ZNF618: variants seen among roughly 807,000 people sequenced by gnomAD.
ZNF618 encodes the protein zinc finger protein 618, also known as neural precursor cell expressed, developmentally down-regulated 10.
Under a neutral mutation model 103.0 loss-of-function variants are expected in ZNF618, and 34 were observed. The ratio of observed to expected loss-of-function variants is 0.33; its 90% CI spans 0.25 to 0.44. ZNF618 has a LOEUF of 0.44. Ranked by LOEUF, ZNF618 falls within the 20% of genes least tolerant of loss-of-function variation. The pLI, the probability that ZNF618 is intolerant of heterozygous loss-of-function variation, is 1.00. For synonymous variants in ZNF618, 551 were observed against 542.2 expected, an observed-to-expected ratio of 1.02 and a Z score of -0.23; for missense variants, 1,059 against 1,295.4, an observed-to-expected ratio of 0.82 and a Z score of 2.80.
chr9:113,969,152 T>G lies in ZNF618; in HGVS notation c.69T>G (p.Thr23=), dbSNP rs1196043396. The G allele has an allele frequency of 6.2e-7, 1 of 1,613,862 alleles. No homozygotes were observed. The highest frequency in any genetic ancestry group is 1.3e-5 in the African/African-American group (1 of 74,920). The change falls in exon 2 of 15, where the codon ACT becomes ACG. Residue 23 remains threonine (T), a synonymous_variant. Coordinates refer to ENST00000374126, the MANE Select transcript of ZNF618 (RefSeq NM_001318042.2). ...DGASAAGRKS[T]ASRERLKRSQ... Reference sequence around the variant, plus strand: ...CCAGTGCAGCCGGAAGGAAAAGCACTGCGAGCAGGTACACTCCCTCTCCCG... The same window carrying G: ...CCAGTGCAGCCGGAAGGAAAAGCACGGCGAGCAGGTACACTCCCTCTCCCG...
intron 2 of ZNF618, among the ~76,000 whole-genome samples, chr9:113,969,487 T>C (rs1379058029): frequency 6.6e-6 from 1 of 152,206 alleles, no homozygotes; most frequent in East Asian, 1.9e-4. Flanking sequence ...GGCTAACTCC[T>C]GGGGCAGCCA....
At chr9:113,998,209 C>G (rs1242639613) in intron 3 of ZNF618, 50 bp from the exon 4 acceptor site, 1 of 1,523,698 alleles carries the variant, frequency 6.6e-7, no homozygotes, top group African/African-American at 1.4e-5. Context: ...CCTAACCTTC[C>G]AGGCATTCTC....
rs373560286 is a variant in ZNF618 at position 113,975,165 on chromosome 9, C to T, written c.77+6005C>T. ...GGAGGGAGGGATGACGGTGATGGAG[C>T]TCTTATTTGTTGAAGGCCTACCATG... is the stretch of plus-strand genomic sequence containing the variant. On this transcript the variant is annotated intron_variant, in intron 2 of 14. Coordinates refer to ENST00000374126, the MANE Select transcript of ZNF618 (RefSeq NM_001318042.2). Among the ~76,000 whole-genome samples the T allele has an allele frequency of 5.1e-4, 77 of 152,116 alleles. 1 individual carries two copies. In the South Asian group the frequency reaches 6.9e-3, roughly 14 times the overall value.
At chr9:113,940,111 T>G (rs1834414172) in intron 1 of ZNF618, among the ~76,000 whole-genome samples, 1 of 108,604 alleles carries the variant, frequency 9.2e-6, no homozygotes, top group Non-Finnish European at 2.1e-5. Flanking sequence ...AGTCTGCACT[T>G]TTTAATTTCT....
chr9:113,926,433 T>C (rs1297959672), intron 1 of ZNF618, among the ~76,000 whole-genome samples: 5 of 152,076 alleles, frequency 3.3e-5, no homozygotes, highest in Non-Finnish European at 4.4e-5. Flanking sequence ...TTTTGGAAAA[T>C]TCTCAGCCAT....
intron 1 of ZNF618, among the ~76,000 whole-genome samples, chr9:113,902,729 C>T (rs969181032): frequency 2.0e-5 from 3 of 152,192 alleles, no homozygotes; most frequent in Non-Finnish European, 4.4e-5. Context: ...TTTTAATCAA[C>T]GCCCAGTATC....
chr9:113,908,030 C>G (rs539437026), intron 1 of ZNF618, among the ~76,000 whole-genome samples: 1 of 152,180 alleles, frequency 6.6e-6, no homozygotes, highest in East Asian at 1.9e-4. Context: ...ATGTTAAAAA[C>G]AAGGATGACG....
At chr9:114,030,518 G>A (rs1349129620) in intron 11 of ZNF618, among the ~76,000 whole-genome samples, 1 of 152,200 alleles carries the variant, frequency 6.6e-6, no homozygotes, top group Non-Finnish European at 1.5e-5. Context: ...CCGGTCTCCA[G>A]CTTCAGTGTC....
intron 1 of ZNF618, among the ~76,000 whole-genome samples, chr9:113,961,657 T>C (rs1200274066): frequency 6.6e-6 from 1 of 152,250 alleles, no homozygotes; most frequent in Non-Finnish European, 1.5e-5. Flanking sequence ...ATGTGTTAGA[T>C]ACATACCACT....
intron 9 of ZNF618, among the ~76,000 whole-genome samples, chr9:114,014,809 G>A (rs890520976): frequency 7.2e-5 from 11 of 152,088 alleles, no homozygotes; most frequent in Non-Finnish European, 1.5e-4. Flanking sequence ...TAAGAATTTG[G>A]ATTTCTAACA....
At chr9:113,888,035 G>C (rs1291916235) in intron 1 of ZNF618, among the ~76,000 whole-genome samples, 4 of 151,996 alleles carry the variant, frequency 2.6e-5, no homozygotes, top group Admixed American at 6.6e-5. Flanking sequence ...TTGTAAAGTA[G>C]GGTTTGTTTT....
chr9:113,988,924 G>A (rs1384142356), intron 3 of ZNF618, among the ~76,000 whole-genome samples: 2 of 151,844 alleles, frequency 1.3e-5, no homozygotes, highest in East Asian at 3.9e-4. Flanking sequence ...CTTACTGCTC[G>A]GTGTCCTAAA....
chr9:113,951,357 G>A (rs752206369), intron 1 of ZNF618, among the ~76,000 whole-genome samples: 2 of 107,492 alleles, frequency 1.9e-5, no homozygotes, highest in African/African-American at 3.3e-5. Context: ...TGTGAATAGG[G>A]ACCTTTTACC....
intron 2 of ZNF618, among the ~76,000 whole-genome samples, chr9:113,975,914 A>G (rs1325954919): frequency 6.6e-6 from 1 of 152,050 alleles, no homozygotes; most frequent in Non-Finnish European, 1.5e-5. Flanking sequence ...TTCTCACCCT[A>G]CCAAAATTCG....
chr9:113,898,073 G>A (rs1280771319), intron 1 of ZNF618, among the ~76,000 whole-genome samples: 3 of 152,186 alleles, frequency 2.0e-5, no homozygotes, highest in East Asian at 1.9e-4. Flanking sequence ...CATTACAGGC[G>A]TGAGCCACTG....
chr9:114,020,474 G>T (rs549215385), intron 10 of ZNF618, among the ~76,000 whole-genome samples: 1 of 152,170 alleles, frequency 6.6e-6, no homozygotes, highest in East Asian at 1.9e-4. Context: ...AGTATTTAGG[G>T]CTTGTTTAGT....
rs1193518249 is a variant in ZNF618 at position 113,951,597 on chromosome 9, GTATATATATGTATA to G, written c.34-17501_34-17488del. On this transcript the variant is annotated intron_variant, in intron 1 of 14. Coordinates refer to ENST00000374126, the MANE Select transcript of ZNF618 (RefSeq NM_001318042.2). ...TGTATATGTGTGTGTGTGTGTGTGTGTATATATATGTATATATATATATGTATATATACTCCTCT... is the reference window on the plus strand; with the variant it reads ...TGTATATGTGTGTGTGTGTGTGTGTGTATATATATGTATATATACTCCTCT... Among the ~76,000 whole-genome samples the G allele has an allele frequency of 3.7e-4, 19 of 51,962 alleles. 1 individual carries two copies. Among genetic ancestry groups the G allele is most frequent in the African/African-American group, 9.5e-4 (18 of 18,910 alleles). The allele number at this position is 51,962 out of a possible 152,430, so 34.1% of individuals were successfully genotyped here.
intron 13 of ZNF618, among the ~76,000 whole-genome samples, chr9:114,036,643 G>C (rs1844641480): frequency 1.3e-5 from 2 of 152,236 alleles, no homozygotes. Context: ...ACTTCCTGGA[G>C]GTGGTGGCCT....
intron 1 of ZNF618, among the ~76,000 whole-genome samples, chr9:113,927,811 C>T (rs1833237600): frequency 6.6e-6 from 1 of 152,202 alleles, no homozygotes; most frequent in South Asian, 2.1e-4. Context: ...TTTGTCCCTA[C>T]CCCACCATGA....
Sources: gnomAD v4.1 joint callset for allele counts (sites outside exome capture counted in the v4.1 genomes callset) on GRCh38, gnomAD v4.1.1 for gene constraint, MANE v1.5 for transcripts, NCBI Gene and HGNC (gene_info 2026-07-23, HGNC 2026-07-21) for gene names.